Variants in TUSC3 observed in about 807,000 individuals in gnomAD.
The protein encoded by TUSC3 is dolichyl-diphosphooligosaccharide--protein glycosyltransferase subunit TUSC3.
In TUSC3, 45 loss-of-function variants were observed where a neutral mutation model predicts 44.8. The ratio of observed to expected loss-of-function variants is 1.00; its 90% CI spans 0.79 to 1.29. TUSC3 has a LOEUF of 1.29. Ranked by LOEUF, TUSC3 falls within the 50% of genes most tolerant of loss-of-function variation. The probability of loss-of-function intolerance (pLI) is 0.00; values close to 1 mark genes in which losing one functional copy is unlikely to be tolerated. For synonymous variants in TUSC3, 212 were observed against 152.9 expected, an observed-to-expected ratio of 1.39 and a Z score of -2.85; for missense variants, 519 against 437.9, an observed-to-expected ratio of 1.19 and a Z score of -1.65.
chr8:15,538,542 T>C (rs756940505), upstream of TUSC3, among the ~76,000 whole-genome samples: 63 of 152,222 alleles, frequency 4.1e-4, no homozygotes, highest in Admixed American at 7.9e-4. Context: ...AATTTCTTTA[T>C]CTGAAAATCG....
At chr8:15,691,365 T>C (rs1808891390) in intron 6 of TUSC3, among the ~76,000 whole-genome samples, 1 of 152,208 alleles carries the variant, frequency 6.6e-6, no homozygotes, top group Non-Finnish European at 1.5e-5. Flanking sequence ...TTTACTAGCC[T>C]AAAACTTTGC....
intron 1 of TUSC3, among the ~76,000 whole-genome samples, chr8:15,449,909 C>T (rs1800171465): frequency 6.6e-6 from 1 of 151,828 alleles, no homozygotes; most frequent in African/African-American, 2.4e-5. Context: ...TTACGATTGC[C>T]TGTGGTATTC....
At chr8:15,748,591 G>C (rs751466055) in intron 9 of TUSC3, 126 bp downstream of exon 9, 1 of 879,952 alleles carries the variant, frequency 1.1e-6, no homozygotes, top group Non-Finnish European at 1.9e-6. Flanking sequence ...AGTTAAGCAA[G>C]TTTTTGAGCA....
chr8:15,603,612 A>G (rs891421190), intron 1 of TUSC3, among the ~76,000 whole-genome samples: 5 of 151,624 alleles, frequency 3.3e-5, no homozygotes, highest in Non-Finnish European at 5.9e-5. Flanking sequence ...TGATATGGTA[A>G]TATTTTTATG....
chr8:15,453,737 G>C (rs1495082), intron 1 of TUSC3, among the ~76,000 whole-genome samples: 128,243 of 152,106 alleles, frequency 0.84, 55,059 homozygotes, highest in Non-Finnish European at 0.92. Context: ...CAGTGGGCAG[G>C]TAGTCAGACA....
intron 1 of TUSC3, among the ~76,000 whole-genome samples, chr8:15,615,287 A>G (rs1166658188): frequency 1.3e-5 from 2 of 152,238 alleles, no homozygotes; most frequent in South Asian, 2.1e-4. Context: ...GTAAGAAGAA[A>G]TGAAATCTTG....
chr8:15,449,203 G>C (rs1017647675), intron 1 of TUSC3, among the ~76,000 whole-genome samples: 2 of 152,202 alleles, frequency 1.3e-5, no homozygotes, highest in African/African-American at 2.4e-5. Flanking sequence ...TATGCTGAAG[G>C]AAGCGGCCAA....
intron 2 of TUSC3, among the ~76,000 whole-genome samples, chr8:15,630,729 T>C (rs1366671): frequency 0.55 from 82,825 of 151,944 alleles, 22,823 homozygotes; most frequent in East Asian, 0.71. Flanking sequence ...GGCAGTGATC[T>C]CTCCGCCAGC....
At chr8:15,843,065 C>T in the TUSC3 span, among the ~76,000 whole-genome samples, 3 of 152,256 alleles carry the variant, frequency 2.0e-5, no homozygotes, top group East Asian at 1.9e-4. Flanking sequence ...GGAAGAGGAG[C>T]GAGGGCTTTG....
Position 15,555,276 on chromosome 8 carries a change from ATTTTTTTTTTTTTTT to A in TUSC3, c.138+14729_138+14743del, listed in dbSNP as rs35757466. Among the ~76,000 whole-genome samples, 166 of 44,908 alleles carry A rather than the reference ATTTTTTTTTTTTTTT, an allele frequency of 3.7e-3. 7 individuals are homozygous for A. In the East Asian group the frequency reaches 0.097, roughly 26 times the overall value. 29.5% of individuals were successfully genotyped at this position (44,908 alleles called of 152,430 possible). On this transcript the variant is annotated intron_variant, in intron 1 of 10. Transcript: ENST00000503731. ...GTTCATGTGCCACCATGCCAGGCTA[ATTTTTTTTTTTTTTT>A]TTTTTTTTTTTTTTTTTTTTAAAGA... is the stretch of plus-strand genomic sequence containing the variant.
chr8:15,473,813 A>G (rs900168412), intron 1 of TUSC3, among the ~76,000 whole-genome samples: 1 of 152,198 alleles, frequency 6.6e-6, no homozygotes, highest in African/African-American at 2.4e-5. Context: ...AGAACTACTG[A>G]TAAGGGTCTG....
chr8:15,591,881 GT>G (rs2129150629), intron 1 of TUSC3, among the ~76,000 whole-genome samples: 1 of 152,298 alleles, frequency 6.6e-6, no homozygotes, highest in South Asian at 2.1e-4. Flanking sequence ...ATGGTCAAAA[GT>G]TTAAATCAAG....
chr8:15,662,521 A>T (rs905668834), intron 5 of TUSC3, among the ~76,000 whole-genome samples: 1 of 151,914 alleles, frequency 6.6e-6, no homozygotes, highest in African/African-American at 2.4e-5. Flanking sequence ...TACTTGGCAC[A>T]AGTGCTAGAT....
intron 1 of TUSC3, among the ~76,000 whole-genome samples, chr8:15,432,159 A>G (rs1389614115): frequency 6.6e-6 from 1 of 151,990 alleles, no homozygotes; most frequent in African/African-American, 2.4e-5. Context: ...CTCCTCAATC[A>G]TCTGGAAGAG....
chr8:15,541,316 A>G (rs1365875746), intron 1 of TUSC3, among the ~76,000 whole-genome samples: 1 of 152,228 alleles, frequency 6.6e-6, no homozygotes, highest in Non-Finnish European at 1.5e-5. Flanking sequence ...TGTAAGTTCT[A>G]ATTATCCATC....
chr8:15,802,962 T>C, the TUSC3 span, among the ~76,000 whole-genome samples: 3 of 152,164 alleles, frequency 2.0e-5, no homozygotes, highest in Non-Finnish European at 4.4e-5. Flanking sequence ...AACTGCGGCA[T>C]AAAAAGGATT....
chr8:15,470,262 A>AC, intron 1 of TUSC3, among the ~76,000 whole-genome samples: 1 of 151,196 alleles, frequency 6.6e-6, no homozygotes, highest in Non-Finnish European at 1.5e-5. Flanking sequence ...CTGTCTCAAA[A>AC]AAAAAAAAAA....
chr8:15,438,736 G>GTGCAA (rs1799982910), intron 1 of TUSC3, among the ~76,000 whole-genome samples: 1 of 152,244 alleles, frequency 6.6e-6, no homozygotes, highest in African/African-American at 2.4e-5. Flanking sequence ...ACTTCATTTA[G>GTGCAA]TGCAATTCTC....
intron 6 of TUSC3, among the ~76,000 whole-genome samples, chr8:15,729,707 T>A (rs1172730701): frequency 6.6e-6 from 1 of 151,966 alleles, no homozygotes; most frequent in African/African-American, 2.4e-5. Context: ...GGGGCTTACT[T>A]GAGGTTGGAG....
Sources: allele counts gnomAD v4.1 joint callset (sites outside exome capture counted in the v4.1 genomes callset), GRCh38; gene constraint gnomAD v4.1.1; transcripts MANE v1.5; gene names NCBI Gene and HGNC (gene_info 2026-07-23, HGNC 2026-07-21).